The following USP36 variants were observed in gnomAD, a reference collection of about 807,000 sequenced individuals.
The protein encoded by USP36 is ubiquitin carboxyl-terminal hydrolase 36.
USP36 carries 59 observed loss-of-function variants against 111.5 expected under a neutral mutation model. That is an observed-to-expected ratio of 0.53 (90% CI 0.43 to 0.66). USP36 has a LOEUF of 0.66. USP36 is among the 30% of genes least tolerant of loss of function. The pLI is 0.00. For synonymous variants in USP36, 628 were observed against 581.0 expected, an observed-to-expected ratio of 1.08 and a Z score of -1.16; for missense variants, 1,488 against 1,468.0, an observed-to-expected ratio of 1.01 and a Z score of -0.22.
At chr17:78,812,663 C>A (rs1015515273) in intron 13 of USP36, among the ~76,000 whole-genome samples, 197 bp downstream of exon 13, 5 of 148,516 alleles carry the variant, frequency 3.4e-5, no homozygotes, top group African/African-American at 1.3e-4. Context: ...CACCACTGCA[C>A]CCCAGCCTGG....
chr17:78,813,999 GGTAACAACTTCTATTAAAACGT>G, intron 11 of USP36, 126 bp from the exon 12 acceptor site: 1 of 777,150 alleles, frequency 1.3e-6, no homozygotes, highest in Non-Finnish European at 2.1e-6. Context: ...ATAATCAACA[GGTAACAACTTCTATTAAAACGT>G]GTAATATTTT....
chr17:78,806,740 T>C (rs531702016), intron 14 of USP36, among the ~76,000 whole-genome samples: 1 of 152,324 alleles, frequency 6.6e-6, no homozygotes, highest in South Asian at 2.1e-4. Flanking sequence ...CACATGAGCA[T>C]CACCAGATCA....
intron 13 of USP36, among the ~76,000 whole-genome samples, chr17:78,810,179 C>G (rs555880292): frequency 6.6e-6 from 1 of 151,622 alleles, no homozygotes; most frequent in Non-Finnish European, 1.5e-5. Flanking sequence ...AATTCACCAG[C>G]GTGATCATGG....
intron 4 of USP36, among the ~76,000 whole-genome samples, chr17:78,832,634 A>T (rs1426860143): frequency 2.6e-5 from 4 of 152,346 alleles, no homozygotes; most frequent in Non-Finnish European, 5.9e-5. Flanking sequence ...ATCCTCACAA[A>T]GTTGGCAACT....
rs750429522 is a variant in USP36, at chr17:78,807,466, T to G, written c.1578A>C (p.Pro526=). Residue 526 remains proline, a synonymous_variant, in exon 14 of 21, where the codon CCA becomes CCC. Transcript: ENST00000449938. ...TCTTTCCAGGGTCGTCTAGGATGGTTGGCATGTGTGTGGGTGTCTGGGAGA... is the reference window on the plus strand; with the variant it reads ...TCTTTCCAGGGTCGTCTAGGATGGTGGGCATGTGTGTGGGTGTCTGGGAGA... ...PKLSQTPTHM[P]TILDDPGKKV... 1 of 1,613,896 alleles carries G rather than the reference T, an allele frequency of 6.2e-7. No individual in the cohort carries two copies.
At chr17:78,799,125 C>A in intron 18 of USP36, 102 bp from the exon 19 acceptor site, 1 of 1,182,622 alleles carries the variant, frequency 8.5e-7, no homozygotes, top group South Asian at 1.3e-5. Flanking sequence ...CATAATTAGT[C>A]AACAATTTTG....
chr17:78,810,639 C>G (rs907412499), intron 13 of USP36, among the ~76,000 whole-genome samples: 1 of 152,312 alleles, frequency 6.6e-6, no homozygotes, highest in Non-Finnish European at 1.5e-5. Flanking sequence ...GCAATTATAT[C>G]ATGTATTTTA....
intron 6 of USP36, among the ~76,000 whole-genome samples, chr17:78,825,941 T>C (rs8064351): frequency 0.057 from 8,610 of 152,168 alleles, 772 homozygotes; most frequent in African/African-American, 0.19. Context: ...CCACACCACA[T>C]TGCAAACGCT....
rs1041485263 is a variant in USP36 at position 78,828,970 on chromosome 17, C to T, written c.513G>A (p.Gln171=). ...QGSFCMLCVM[Q]NHIVQAFANS... Reference sequence around the variant, plus strand: ...TGGCGAAGGCCTGGACAATGTGGTTCTGCATGACACACAGCATGCAGAAGC... The same window carrying T: ...TGGCGAAGGCCTGGACAATGTGGTTTTGCATGACACACAGCATGCAGAAGC... The change falls in exon 5 of 21, where the codon CAG becomes CAA. Residue 171 remains glutamine (Q), a synonymous_variant. Transcript: ENST00000449938. 2 of 1,614,132 alleles carry T rather than the reference C, an allele frequency of 1.2e-6. No homozygotes were observed. Among genetic ancestry groups the T allele is most frequent in the Non-Finnish European group, 8.5e-7 (1 of 1,180,036 alleles).
chr17:78,823,876 C>T (rs945586675), intron 6 of USP36, among the ~76,000 whole-genome samples: 3 of 152,174 alleles, frequency 2.0e-5, no homozygotes, highest in Non-Finnish European at 4.4e-5. Flanking sequence ...GCTCTGGATA[C>T]GAATCTTGAA....
chr17:78,818,546 G>C (rs2094241612), intron 10 of USP36, 121 bp downstream of exon 10: 1 of 832,892 alleles, frequency 1.2e-6, no homozygotes, highest in South Asian at 1.6e-5. Context: ...AGAACCTTTA[G>C]AACAGGGACA....
At chr17:78,809,699 A>C (rs1422684510) in intron 13 of USP36, among the ~76,000 whole-genome samples, 1 of 151,656 alleles carries the variant, frequency 6.6e-6, no homozygotes, top group Non-Finnish European at 1.5e-5. Context: ...TGGCACAATG[A>C]TAGCTCAATG....
chr17:78,831,934 G>C (rs9891175), intron 4 of USP36, among the ~76,000 whole-genome samples: 7,706 of 115,858 alleles, frequency 0.067, 694 homozygotes, highest in African/African-American at 0.23. Context: ...CAGAGTGAGA[G>C]CTTGTCTCAA....
chr17:78,789,610 CCA>C (rs1312268761), intron 3 of USP36, among the ~76,000 whole-genome samples: 1 of 152,164 alleles, frequency 6.6e-6, no homozygotes, highest in East Asian at 1.9e-4. Context: ...TTGAAAACCC[CCA>C]GATTTTATTT....
chr17:78,812,298 A>AACAGATCT (rs922324086), intron 13 of USP36, among the ~76,000 whole-genome samples: 72 of 152,336 alleles, frequency 4.7e-4, no homozygotes, highest in African/African-American at 1.7e-3. Context: ...TCATGAGTAG[A>AACAGATCT]ACAGATCTGT....
chr17:78,835,372 C>T lies in USP36; in HGVS notation c.383G>A (p.Gly128Asp). The change falls in exon 4 of 21, where the codon GGC becomes GAC. Residue 128 changes from glycine (G) to aspartate (D), a missense_variant. Physicochemically the swap from Gly to Asp is moderately conservative, Grantham distance 94. Coordinates refer to ENST00000449938, the MANE Select transcript of USP36 (RefSeq NM_001385174.1). ...FRVGAGLHNL[G>D]NTCFLNATIQ... ...GGTGGCATTGAGAAAGCAGGTGTTG[C>T]CAAGGTTGTGGAGTCCTGCGCCCAC... 6.2e-7 allele frequency: 1 copy of T among 1,614,236 alleles called. No individual in the cohort carries two copies. Among genetic ancestry groups the T allele is most frequent in the Non-Finnish European group, 8.5e-7 (1 of 1,180,042 alleles).
intron 10 of USP36, among the ~76,000 whole-genome samples, chr17:78,818,211 T>A (rs1472068829): frequency 6.6e-6 from 1 of 152,130 alleles, no homozygotes; most frequent in Non-Finnish European, 1.5e-5. Context: ...ACATGGACAA[T>A]GCAAGTCCCA....
rs569678575 is a variant in USP36 at position 78,803,348 on chromosome 17, C to T, written c.2810+37G>A. 26 of 1,578,876 alleles carry T rather than the reference C, an allele frequency of 1.6e-5. No individual in the cohort carries two copies. The highest frequency in any genetic ancestry group is 1.9e-5 in the Non-Finnish European group (22 of 1,156,748). ...TCTGTGGTTTTGCTTTGTTTCTCGT[C>T]AGAGGTAGACAGATGCCACTTTGCT... On this transcript the variant is annotated intron_variant, in intron 16 of 20. Coordinates refer to ENST00000449938, the MANE Select transcript of USP36 (RefSeq NM_001385174.1). The surrounding 1 kb of genome is among the most constrained non-coding windows in gnomAD (Gnocchi z 4.6).
Position 78,798,300 on chromosome 17 carries a change from C to T in USP36, c.*20+100G>A. Reference sequence around the variant, plus strand: ...ACACATGTGCCAGATACACAGCCCACATACATCATACACACACGCCACACC... The same window carrying T: ...ACACATGTGCCAGATACACAGCCCATATACATCATACACACACGCCACACC... On this transcript the variant is annotated intron_variant, in intron 20 of 20. Coordinates refer to ENST00000449938, the MANE Select transcript of USP36 (RefSeq NM_001385174.1). This position sits in a 1 kb window ranked among gnomAD's most constrained non-coding sequence, Gnocchi z 5.1. 6.8e-7 allele frequency: 1 copy of T among 1,472,966 alleles called. No homozygotes were observed. The highest frequency in any genetic ancestry group is 1.3e-5 in the South Asian group (1 of 79,576). 91.2% of individuals were successfully genotyped at this position (1,472,966 alleles called of 1,614,324 possible).
Sources: gnomAD v4.1 joint callset for allele counts (sites outside exome capture counted in the v4.1 genomes callset) on GRCh38, gnomAD v4.1.1 for gene constraint, Gnocchi (gnomAD v3.1) non-coding constraint, MANE v1.5 for transcripts, NCBI Gene and HGNC (gene_info 2026-07-23, HGNC 2026-07-21) for gene names.